The following ANKRD36B variants were observed in gnomAD, a reference collection of about 807,000 sequenced individuals.
ANKRD36B encodes the protein ankyrin repeat domain 36B, also known as ankyrin repeat domain-containing protein 36B.
In ANKRD36B, 37 loss-of-function variants were observed where a neutral mutation model predicts 135.7. The observed-to-expected ratio is 0.27, with a 90% CI of 0.21 to 0.36. The LOEUF (loss-of-function observed/expected upper bound fraction) is 0.36. Ranked by LOEUF, ANKRD36B falls within the 10% of genes least tolerant of loss-of-function variation. ANKRD36B has a pLI of 1.00. For synonymous variants in ANKRD36B, 179 were observed against 348.1 expected, an observed-to-expected ratio of 0.51 and a Z score of 5.41; for missense variants, 549 against 1,037.1, an observed-to-expected ratio of 0.53 and a Z score of 6.46.
At chr2:97,577,320 G>A (rs2082299851) in intron 5 of ANKRD36B, among the ~76,000 whole-genome samples, 1 of 128,552 alleles carries the variant, frequency 7.8e-6, no homozygotes, top group African/African-American at 2.9e-5. Flanking sequence ...GTTCCATGAA[G>A]TAGATGCAAG....
At chr2:97,571,913 TCTC>T (rs2081904813) in intron 6 of ANKRD36B, among the ~76,000 whole-genome samples, 1 of 152,040 alleles carries the variant, frequency 6.6e-6, no homozygotes, top group Admixed American at 6.6e-5. Flanking sequence ...GTTATCCACT[TCTC>T]CTCCCAAACA....
intron 18 of ANKRD36B, 31 bp downstream of exon 18, chr2:97,551,258 A>T: frequency 3.2e-6 from 5 of 1,540,436 alleles, no homozygotes. Flanking sequence ...TCTGGACTGA[A>T]CATGACATTA....
chr2:97,578,630 T>C (rs2082377322), intron 5 of ANKRD36B, among the ~76,000 whole-genome samples: 1 of 152,078 alleles, frequency 6.6e-6, no homozygotes, highest in Non-Finnish European at 1.5e-5. Flanking sequence ...GGGGTTATAC[T>C]GGAAATAAAA....
chr2:97,553,124 C>T (rs780010916), intron 16 of ANKRD36B, 44 bp downstream of exon 16: 1 of 1,590,046 alleles, frequency 6.3e-7, no homozygotes, highest in African/African-American at 1.3e-5. Flanking sequence ...AAGTTCGTTT[C>T]TATCTGGATT....
rs572834108 is a variant in ANKRD36B at position 97,580,478 on chromosome 2, T to C, written c.541A>G (p.Ile181Val). Residue 181 changes from isoleucine (I) to valine (V), a missense_variant, in exon 4 of 44, where the codon ATT (isoleucine) becomes GTT (valine). By Grantham distance (29) the Ile-to-Val change is conservative (BLOSUM62 3). Coordinates refer to ENST00000359901, the MANE Select transcript of ANKRD36B (RefSeq NM_001393939.1). ...GGTCTGTACCTGCCAAGATAATCAA[T>C]GGCATTTACATTTGCTTTTTTCTTT... ...LLKKKANVNA[I>V]DYLGRSALIL... 7.1e-6 allele frequency: 11 copies of C among 1,547,116 alleles called. No homozygotes were observed. In the East Asian group the frequency reaches 1.2e-4, roughly 17 times the overall value.
chr2:97,580,646 T>C lies in ANKRD36B; in HGVS notation c.451-78A>G, dbSNP rs1455016772. The C allele has an allele frequency of 8.2e-6, 11 of 1,340,102 alleles. No homozygotes were observed. In the East Asian group the frequency reaches 2.5e-4, roughly 30 times the overall value. The allele number at this position is 1,340,102 out of a possible 1,614,324, so 83.0% of individuals were successfully genotyped here. On this transcript the variant is annotated intron_variant, in intron 3 of 43. Coordinates refer to ENST00000359901, the MANE Select transcript of ANKRD36B (RefSeq NM_001393939.1). ...GAAATGAAAACCTTATGTAAGATCCTGTGAGCTTCAATATATACAATTGAA... is the reference window on the plus strand; with the variant it reads ...GAAATGAAAACCTTATGTAAGATCCCGTGAGCTTCAATATATACAATTGAA...
At position 97,551,229 on chromosome 2, in the gene ANKRD36B, C is replaced by T. The variant is rs1043525882; in HGVS notation, c.1375+60G>A. ...TCGACCAGCCCCCCACTGATTTATT[C>T]GGGGAAGAGAACTTCTTATCTGGAC... On this transcript the variant is annotated intron_variant, in intron 18 of 43. Coordinates refer to ENST00000359901, the MANE Select transcript of ANKRD36B (RefSeq NM_001393939.1). 1.5e-5 allele frequency: 23 copies of T among 1,528,658 alleles called. No homozygotes were observed. In the African/African-American group the frequency reaches 2.5e-4, roughly 16 times the overall value. The allele number at this position is 1,528,658 out of a possible 1,614,324, so 94.7% of individuals were successfully genotyped here.
intron 6 of ANKRD36B, among the ~76,000 whole-genome samples, chr2:97,569,803 T>C (rs576874372): frequency 1.3e-5 from 2 of 152,166 alleles, no homozygotes; most frequent in African/African-American, 4.8e-5. Flanking sequence ...CCATATATTA[T>C]AGCAAGACGT....
rs546225946 is a variant in ANKRD36B, at chr2:97,532,384, G to T, written c.2192C>A (p.Ala731Glu). The T allele has an allele frequency of 7.1e-6, 5 of 699,646 alleles. 2 individuals are homozygous for T. The highest frequency in any genetic ancestry group is 2.8e-5 in the South Asian group (2 of 70,408). 43.3% of individuals were successfully genotyped at this position (699,646 alleles called of 1,614,324 possible). The part of the protein sequence containing the change: ...KMKEVQTSTP[A>E]EQDLEMASEG... ...TGATGCCATTTCTAAGTCTTGTTCT[G>T]CTAAAAAAATTATATATTTAGTTAA... The change falls in exon 35 of 44, where the codon GCA (alanine) becomes GAA (glutamate). Residue 731 changes from alanine (A) to glutamate (E), a missense_variant and splice_region_variant. Ala to Glu is a moderately radical substitution (Grantham distance 107). Transcript: ENST00000359901.
Position 97,567,652 on chromosome 2 carries a change from T to C in ANKRD36B, c.764-6792A>G, listed in dbSNP as rs1490345698. Among the ~76,000 whole-genome samples the C allele has an allele frequency of 3.3e-5, 5 of 152,262 alleles. No individual in the cohort carries two copies. The East Asian group carries it at 9.7e-4, about 29-fold the overall frequency. On this transcript the variant is annotated intron_variant, in intron 6 of 43. Transcript: ENST00000359901. Reference sequence around the variant, plus strand: ...GGTCAACCATGGTCCATAAATAAAATTTATGTATACACATCATAAGGTTTA... The same window carrying C: ...GGTCAACCATGGTCCATAAATAAAACTTATGTATACACATCATAAGGTTTA...
At chr2:97,581,588 G>A in intron 3 of ANKRD36B, among the ~76,000 whole-genome samples, 1 of 151,762 alleles carries the variant, frequency 6.6e-6, no homozygotes, top group Non-Finnish European at 1.5e-5. Context: ...AAATATTTAT[G>A]TAATTATAAT....
At chr2:97,561,099 C>A (rs1178352759) in intron 6 of ANKRD36B, among the ~76,000 whole-genome samples, 1 of 151,624 alleles carries the variant, frequency 6.6e-6, no homozygotes, top group Non-Finnish European at 1.5e-5. Context: ...TGACTTTCTC[C>A]ATATGTCTAA....
rs761270456 is a variant in ANKRD36B at position 97,555,070 on chromosome 2, T to C, written c.1161A>G (p.Gln387=). 1.4e-5 allele frequency: 23 copies of C among 1,611,714 alleles called. No homozygotes were observed. The highest frequency in any genetic ancestry group is 1.2e-4 in the Admixed American group (7 of 59,730). ...GTTTTGCAAAATTACCTGTCCCACA[T>C]TGTAGTCCATCCTTTATTTCTGTAG... ...NTATEIKDGL[Q]CGTVSSQKQQ... The change falls in exon 14 of 44, where the codon CAA becomes CAG. Residue 387 remains glutamine, a synonymous_variant. Coordinates refer to ENST00000359901, the MANE Select transcript of ANKRD36B (RefSeq NM_001393939.1).
intron 6 of ANKRD36B, among the ~76,000 whole-genome samples, chr2:97,567,265 GTAGCTGAATA>G (rs2081510907): frequency 6.7e-6 from 1 of 148,528 alleles, no homozygotes; most frequent in Non-Finnish European, 1.5e-5. Context: ...GAGCATCCAG[GTAGCTGAATA>G]CAGCTACCTG....
chr2:97,563,149 T>C (rs1368651686), intron 6 of ANKRD36B, among the ~76,000 whole-genome samples: 1 of 152,034 alleles, frequency 6.6e-6, no homozygotes, highest in Non-Finnish European at 1.5e-5. Flanking sequence ...TGAAATTTTA[T>C]TGAATATAAC....
intron 20 of ANKRD36B, 107 bp downstream of exon 20, chr2:97,549,312 T>G: frequency 7.5e-7 from 1 of 1,341,564 alleles, no homozygotes; most frequent in South Asian, 1.3e-5. Context: ...TCTGGCCTGC[T>G]GAATCAGAAA....
chr2:97,556,210 A>G (rs2595333), intron 12 of ANKRD36B, among the ~76,000 whole-genome samples: 3 of 151,944 alleles, frequency 2.0e-5, no homozygotes, highest in African/African-American at 7.2e-5. Flanking sequence ...TAATATAGTC[A>G]TATTAAATTT....
chr2:97,586,451 T>C (rs1291873513), intron 1 of ANKRD36B, among the ~76,000 whole-genome samples: 1 of 151,620 alleles, frequency 6.6e-6, no homozygotes, highest in Non-Finnish European at 1.5e-5. Flanking sequence ...TCAGTCCTAA[T>C]GCTTCCATTT....
At position 97,589,819 on chromosome 2, in the gene ANKRD36B, C is replaced by G. The variant is rs28415903; in HGVS notation, c.-134G>C. 5 of 1,365,036 alleles carry G rather than the reference C, an allele frequency of 3.7e-6. No individual in the cohort carries two copies. In the African/African-American group the frequency reaches 5.8e-5, roughly 16 times the overall value. 84.6% of individuals were successfully genotyped at this position (1,365,036 alleles called of 1,614,324 possible). A position where few individuals can be genotyped will look rare whatever the true frequency, so the allele number is the denominator to read the frequency against. ...AACAACAGGCAAAGCAGTCTGTGCA[C>G]GGACCTCCGCGCAGACTCTCAGCGC... is the stretch of plus-strand genomic sequence containing the variant. On this transcript the variant is annotated 5_prime_UTR_variant, in exon 1 of 44. Transcript: ENST00000359901.
Sources: allele counts gnomAD v4.1 joint callset (sites outside exome capture counted in the v4.1 genomes callset), GRCh38; gene constraint gnomAD v4.1.1; transcripts MANE v1.5; gene names NCBI Gene and HGNC (gene_info 2026-07-23, HGNC 2026-07-21).